SHB: variants seen among roughly 807,000 people sequenced by gnomAD.
The protein encoded by SHB is SH2 domain containing adaptor protein B.
In SHB, 20 loss-of-function variants were observed where a neutral mutation model predicts 52.3. The observed-to-expected ratio is 0.38, with a 90% CI of 0.27 to 0.56. The LOEUF (loss-of-function observed/expected upper bound fraction) is 0.56, where lower values mean the gene tolerates loss of function less well. SHB is among the 20% of genes least tolerant of loss of function. The pLI is 0.71. For missense variants in SHB, 825 were observed against 723.3 expected (o/e 1.14, Z -1.61); for synonymous variants, 397 against 316.5 (o/e 1.25, Z -2.70).
chr9:37,927,950 CTT>C (rs537078307), intron 5 of SHB, among the ~76,000 whole-genome samples: 2 of 145,332 alleles, frequency 1.4e-5, no homozygotes, highest in African/African-American at 2.5e-5. Flanking sequence ...CTCTTTCTCT[CTT>C]TTTTTTTTTT....
At chr9:38,000,193 C>T (rs1820994650) in intron 2 of SHB, among the ~76,000 whole-genome samples, 1 of 152,240 alleles carries the variant, frequency 6.6e-6, no homozygotes, top group Admixed American at 6.5e-5. Flanking sequence ...ATTGCTGCTG[C>T]TGGCAGACCA....
chr9:38,062,518 G>A (rs1821908079), intron 1 of SHB, among the ~76,000 whole-genome samples: 1 of 151,934 alleles, frequency 6.6e-6, no homozygotes, highest in Admixed American at 6.6e-5. Context: ...GCTTTTTCTT[G>A]GAACCCTGCT....
intron 3 of SHB, among the ~76,000 whole-genome samples, chr9:37,958,513 G>A (rs1713607205): frequency 6.6e-6 from 1 of 152,208 alleles, no homozygotes; most frequent in Non-Finnish European, 1.5e-5. Flanking sequence ...GTGATGCCAG[G>A]GCTGGTGGTG....
At chr9:37,974,962 C>CTGTCT in intron 2 of SHB, 125 bp from the exon 3 acceptor site, 2 of 817,396 alleles carry the variant, frequency 2.4e-6, no homozygotes, top group Non-Finnish European at 4.0e-6. Flanking sequence ...GAGAGACAGA[C>CTGTCT]CCCTGTCTGG....
At chr9:37,997,571 T>A (rs75254610) in intron 2 of SHB, among the ~76,000 whole-genome samples, 3,780 of 152,282 alleles carry the variant, frequency 0.025, 69 homozygotes, top group African/African-American at 0.054. Flanking sequence ...GGCTTGGATC[T>A]CATTTATGTC....
At chr9:37,922,567 G>A (rs980425056) in intron 5 of SHB, among the ~76,000 whole-genome samples, 5 of 152,330 alleles carry the variant, frequency 3.3e-5, no homozygotes, top group Non-Finnish European at 7.3e-5. Context: ...TCTCGCCTGT[G>A]TAAGCACCCA....
chr9:37,932,562 C>CAAAA (rs74171537), intron 5 of SHB, among the ~76,000 whole-genome samples: 25 of 86,708 alleles, frequency 2.9e-4, no homozygotes, highest in South Asian at 7.3e-4. Context: ...GCTCTAGCCA[C>CAAAA]AAAAAAAAAA....
chr9:37,929,122 C>T (rs1832284432), intron 5 of SHB, among the ~76,000 whole-genome samples: 1 of 152,240 alleles, frequency 6.6e-6, no homozygotes, highest in Non-Finnish European at 1.5e-5. Context: ...TATCTGAGTC[C>T]CTGCCCTGAA....
intron 3 of SHB, among the ~76,000 whole-genome samples, chr9:37,967,242 T>A (rs1820537992): frequency 6.6e-6 from 1 of 152,210 alleles, no homozygotes; most frequent in African/African-American, 2.4e-5. Flanking sequence ...TTCCTCCCCA[T>A]CCTTCCTTAC....
chr9:37,974,992 C>T (rs527393794), intron 2 of SHB, among the ~76,000 whole-genome samples, 155 bp from the exon 3 acceptor site: 2 of 152,240 alleles, frequency 1.3e-5, no homozygotes, highest in South Asian at 4.2e-4. Context: ...ACCCCACCAA[C>T]CCCCAGTGCC....
chr9:37,932,428 G>A (rs1415033356), intron 5 of SHB, among the ~76,000 whole-genome samples: 1 of 151,912 alleles, frequency 6.6e-6, no homozygotes, highest in East Asian at 1.9e-4. Context: ...GTAGGTCAGA[G>A]GGTACAAAAG....
chr9:37,923,911 C>A (rs1336044137), intron 5 of SHB, among the ~76,000 whole-genome samples: 12 of 152,208 alleles, frequency 7.9e-5, no homozygotes, highest in Admixed American at 7.2e-4. Flanking sequence ...CCAGCTGAGC[C>A]GGGCTCCGAG....
intron 1 of SHB, among the ~76,000 whole-genome samples, chr9:38,039,869 G>A (rs1821550243): frequency 6.6e-6 from 1 of 152,228 alleles, no homozygotes; most frequent in South Asian, 2.1e-4. Context: ...GGGAGAGGAG[G>A]AGAAATGGGC....
intron 5 of SHB, among the ~76,000 whole-genome samples, chr9:37,928,912 C>T (rs1832281027): frequency 1.3e-5 from 2 of 152,244 alleles, no homozygotes; most frequent in African/African-American, 2.4e-5. Flanking sequence ...CAGAGCAGGA[C>T]CATGCAGAGG....
At chr9:37,939,614 G>T (rs981279911) in intron 5 of SHB, among the ~76,000 whole-genome samples, 1 of 152,170 alleles carries the variant, frequency 6.6e-6, no homozygotes. Flanking sequence ...ATGGTCACAG[G>T]TCCTGTCAGA....
chr9:37,921,963 G>A (rs765848666), intron 5 of SHB, among the ~76,000 whole-genome samples: 2 of 152,256 alleles, frequency 1.3e-5, no homozygotes, highest in Non-Finnish European at 2.9e-5. Flanking sequence ...GTGTGGAAGG[G>A]CGAGAGAGCA....
At chr9:38,024,163 C>G (rs2118097345) in intron 1 of SHB, among the ~76,000 whole-genome samples, 1 of 152,344 alleles carries the variant, frequency 6.6e-6, no homozygotes, top group East Asian at 1.9e-4. Context: ...GCCAAGTACT[C>G]CGCCCACATG....
In SHB at chr9:38,055,569, GCCATA is replaced by G. The variant is rs1334704239; in HGVS notation, c.717+12355_717+12359del. Reference sequence around the variant, plus strand: ...CTACCCATTCTGAACTCTCCCACCAGCCATACCCACCTCGCCCAAATGCTTCTCTT... The same window carrying G: ...CTACCCATTCTGAACTCTCCCACCAGCCCACCTCGCCCAAATGCTTCTCTT... On this transcript the variant is annotated intron_variant, in intron 1 of 5. Coordinates refer to ENST00000377707, the MANE Select transcript of SHB (RefSeq NM_003028.3). 2.0e-5 allele frequency among the ~76,000 whole-genome samples: 3 copies of G among 152,102 alleles called. No individual in the cohort carries two copies. In the East Asian group the frequency reaches 5.8e-4, roughly 29 times the overall value.
At chr9:38,059,338 G>C (rs949701795) in intron 1 of SHB, among the ~76,000 whole-genome samples, 1 of 150,918 alleles carries the variant, frequency 6.6e-6, no homozygotes, top group African/African-American at 2.4e-5. Context: ...CACTGGGCCT[G>C]AGTCACTCAG....
Sources: allele counts gnomAD v4.1 joint callset (sites outside exome capture counted in the v4.1 genomes callset), GRCh38; gene constraint gnomAD v4.1.1; transcripts MANE v1.5; gene names NCBI Gene and HGNC (gene_info 2026-07-23, HGNC 2026-07-21).